STN1: variants seen among roughly 807,000 people sequenced by gnomAD.
The protein encoded by STN1 is CST complex subunit STN1.
STN1 carries 29 observed loss-of-function variants against 45.5 expected under a neutral mutation model. The observed-to-expected ratio is 0.64, with a 90% CI of 0.47 to 0.87. STN1 has a LOEUF of 0.87. Among genes scored for constraint, STN1 ranks in the 40% least tolerant of loss-of-function variants. The pLI, the probability that STN1 is intolerant of heterozygous loss-of-function variation, is 0.00. For missense variants in STN1, 376 were observed against 441.4 expected, an observed-to-expected ratio of 0.85 and a Z score of 1.33; for synonymous variants, 148 against 159.0, an observed-to-expected ratio of 0.93 and a Z score of 0.52.
At chr10:103,885,341 G>A (rs966527862) in intron 9 of STN1, among the ~76,000 whole-genome samples, 7 of 152,170 alleles carry the variant, frequency 4.6e-5, no homozygotes, top group African/African-American at 1.7e-4. Flanking sequence ...GAGGAGCAGA[G>A]GGAATTTAGT....
chr10:103,916,377 G>A (rs1489447560), intron 2 of STN1, among the ~76,000 whole-genome samples: 1 of 152,176 alleles, frequency 6.6e-6, no homozygotes, highest in Non-Finnish European at 1.5e-5. Context: ...ACTGGAAAAT[G>A]GAAAACTGTG....
At position 103,914,355 on chromosome 10, in the gene STN1, TATATATATATATATATA is replaced by T. The variant is rs1843311781; in HGVS notation, c.133+3090_133+3106del. On this transcript the variant is annotated intron_variant, in intron 2 of 9. Transcript: ENST00000224950. The stretch of plus-strand genomic sequence containing the variant: ...AAATACATATATATATATATATATA[TATATATATATATATATA>T]TATTTTTTTTTTTTTTTTTTGAGAC... 9.0e-4 allele frequency among the ~76,000 whole-genome samples: 30 copies of T among 33,170 alleles called. 2 individuals carry two copies. The highest frequency in any genetic ancestry group is 1.5e-3 in the East Asian group (1 of 682). 21.8% of individuals were successfully genotyped at this position (33,170 alleles called of 152,430 possible).
intron 9 of STN1, 45 bp downstream of exon 9, chr10:103,889,027 C>T: frequency 7.4e-7 from 1 of 1,350,460 alleles, no homozygotes; most frequent in Non-Finnish European, 1.1e-6. Flanking sequence ...AGACAGTATC[C>T]CCTTCCAGGG....
intron 3 of STN1, among the ~76,000 whole-genome samples, chr10:103,908,415 G>A (rs930172213): frequency 1.7e-3 from 56 of 32,258 alleles, no homozygotes; most frequent in African/African-American, 3.8e-3. Context: ...CGCCTGGGCC[G>A]CTGGCCTTGT....
At chr10:103,917,056 C>A (rs570832957) in intron 2 of STN1, among the ~76,000 whole-genome samples, 5 of 152,014 alleles carry the variant, frequency 3.3e-5, no homozygotes, top group Admixed American at 3.3e-4. Flanking sequence ...ACAAAGAAAC[C>A]CAGACTTTGC....
rs955718071 is a variant in STN1, at chr10:103,900,171, T to C, written c.348A>G (p.Leu116=). Residue 116 remains leucine (L), a synonymous_variant, in exon 5 of 10, where the codon CTA becomes CTG. Transcript: ENST00000224950. ...ELSLTSQLKK[L]QETIEQKTKI... is the part of the protein sequence containing the mutation. ...TTGTTTTCTGCTCAATGGTCTCTTGTAGCTTCTTAAGTTGTGAGGTTAAGC... is the reference window on the plus strand; with the variant it reads ...TTGTTTTCTGCTCAATGGTCTCTTGCAGCTTCTTAAGTTGTGAGGTTAAGC... 17 of 1,614,200 alleles carry C rather than the reference T, an allele frequency of 1.1e-5. No homozygotes were observed. The East Asian group carries it at 2.0e-4, about 19-fold the overall frequency.
chr10:103,901,436 G>A (rs1356803917), intron 4 of STN1, among the ~76,000 whole-genome samples: 5 of 151,966 alleles, frequency 3.3e-5, no homozygotes, highest in African/African-American at 1.2e-4. Context: ...CTCAGCCATC[G>A]GCATTTTGGC....
At position 103,905,082 on chromosome 10, in the gene STN1, T is replaced by A. The variant is rs150102773; in HGVS notation, c.295+9A>T. On this transcript the variant is annotated intron_variant, in intron 4 of 9. Transcript: ENST00000224950. ...GTGAAAAGTAAAGGAATGTGGCAAA[T>A]AAAATTACCTGATACAGACTCAGTA... 1 of 1,612,468 alleles carries A rather than the reference T, an allele frequency of 6.2e-7. No homozygotes were observed. Among genetic ancestry groups the A allele is most frequent in the East Asian group, 2.2e-5 (1 of 44,858 alleles).
At chr10:103,909,434 GTATATATATGTATATATGTATATATGTA>G (rs1843270217) in intron 3 of STN1, among the ~76,000 whole-genome samples, 2 of 56,890 alleles carry the variant, frequency 3.5e-5, no homozygotes, top group African/African-American at 1.4e-4. Flanking sequence ...GTATATATAT[GTATATATATGTATATATGTATATATGTA>G]TATATATGTA....
intron 3 of STN1, 141 bp from the exon 4 acceptor site, chr10:103,905,297 C>T: frequency 2.7e-6 from 2 of 744,608 alleles, no homozygotes; most frequent in Non-Finnish European, 4.7e-6. Context: ...ACTCTCCTTC[C>T]ACCTTTGAAA....
rs1843040329 is a variant in STN1 at position 103,877,787 on chromosome 10, G to T, written c.*4897C>A. Reference sequence around the variant, plus strand: ...TGTCCACAGACACCATCTCCCTTCAGGATGGTCCTGCTTTTCCCCCAGCAC... The same window carrying T: ...TGTCCACAGACACCATCTCCCTTCATGATGGTCCTGCTTTTCCCCCAGCAC... On this transcript the variant is annotated 3_prime_UTR_variant, in exon 10 of 10. Transcript: ENST00000224950. 1 of 152,332 alleles carries T rather than the reference G, an allele frequency of 6.6e-6. No homozygotes were observed. The highest frequency in any genetic ancestry group is 1.5e-5 in the Non-Finnish European group (1 of 68,042). 9.4% of individuals were successfully genotyped at this position (152,332 alleles called of 1,614,324 possible).
chr10:103,904,750 G>T (rs1403035908), intron 4 of STN1, among the ~76,000 whole-genome samples: 1 of 152,170 alleles, frequency 6.6e-6, no homozygotes, highest in African/African-American at 2.4e-5. Context: ...GCTGGGACAA[G>T]GGGATTCAGA....
At chr10:103,905,605 C>T (rs1843235499) in intron 3 of STN1, among the ~76,000 whole-genome samples, 1 of 152,182 alleles carries the variant, frequency 6.6e-6, no homozygotes, top group African/African-American at 2.4e-5. Flanking sequence ...TAGGGCGCAG[C>T]CTTCTGTCAC....
intron 2 of STN1, among the ~76,000 whole-genome samples, chr10:103,914,351 TA>T (rs1564636082): frequency 5.9e-4 from 9 of 15,142 alleles, no homozygotes; most frequent in African/African-American, 1.1e-3. Flanking sequence ...TATATATATA[TA>T]TATATATATA....
At chr10:103,901,569 G>A (rs760237698) in intron 4 of STN1, among the ~76,000 whole-genome samples, 2 of 152,018 alleles carry the variant, frequency 1.3e-5, no homozygotes, top group South Asian at 2.1e-4. Context: ...CTTACGCTTC[G>A]GTTTCCTCAA....
chr10:103,880,095 C>A lies in STN1; in HGVS notation c.*2589G>T, dbSNP rs959401404. Among the ~76,000 whole-genome samples, 4 of 152,188 alleles carry A rather than the reference C, an allele frequency of 2.6e-5. No individual in the cohort carries two copies. The highest frequency in any genetic ancestry group is 5.9e-5 in the Non-Finnish European group (4 of 68,038). On this transcript the variant is annotated 3_prime_UTR_variant, in exon 10 of 10. Transcript: ENST00000224950. ...GGCTTCCACACTGGTTGAGTTCTTG[C>A]CCAGCACCAAAGAAGAATGAGAATG...
rs1214450573 is a variant in STN1, at chr10:103,898,794, C to T, written c.581+83G>A. ...TAGGTGGATGATTCGGGATTTGAAC[C>T]TAGGCCGATCCCAGCATCTGGGCTC... On this transcript the variant is annotated intron_variant, in intron 6 of 9. Transcript: ENST00000224950. 54 of 1,548,138 alleles carry T rather than the reference C, an allele frequency of 3.5e-5. No homozygotes were observed. In the East Asian group the frequency reaches 1.1e-3, roughly 30 times the overall value.
Position 103,882,224 on chromosome 10 carries a change from A to C in STN1, c.*460T>G, listed in dbSNP as rs1843073597. 6.6e-6 allele frequency among the ~76,000 whole-genome samples: 1 copy of C among 152,218 alleles called. No homozygotes were observed. Among genetic ancestry groups the C allele is most frequent in the African/African-American group, 2.4e-5 (1 of 41,450 alleles). On this transcript the variant is annotated 3_prime_UTR_variant, in exon 10 of 10. Coordinates refer to ENST00000224950, the MANE Select transcript of STN1 (RefSeq NM_024928.5). ...TCCCCTAAACCGGTTCTTAGCCAGC[A>C]AGAGAGGCCCACAGGAAGGTCTCTG... is the stretch of plus-strand genomic sequence containing the variant.
intron 3 of STN1, among the ~76,000 whole-genome samples, chr10:103,909,164 G>A (rs530736551): frequency 4.0e-5 from 6 of 151,404 alleles, no homozygotes; most frequent in Non-Finnish European, 8.8e-5. Context: ...CTATTATTTC[G>A]TTGTTGGCAT....
Sources: allele counts gnomAD v4.1 joint callset (sites outside exome capture counted in the v4.1 genomes callset), GRCh38; gene constraint gnomAD v4.1.1; transcripts MANE v1.5; gene names NCBI Gene and HGNC (gene_info 2026-07-23, HGNC 2026-07-21).